The following CCDC171 variants were observed in gnomAD, a reference collection of about 807,000 sequenced individuals.
CCDC171 encodes coiled-coil domain-containing protein 171.
Under a neutral mutation model 168.2 loss-of-function variants are expected in CCDC171, and 177 were observed. That is an observed-to-expected ratio of 1.05 (90% CI 0.93 to 1.19). The LOEUF (loss-of-function observed/expected upper bound fraction) is 1.19, where lower values mean the gene tolerates loss of function less well. CCDC171 is among the 50% of genes most tolerant of loss of function. The probability of loss-of-function intolerance (pLI) is 0.00; values close to 1 mark genes in which losing one functional copy is unlikely to be tolerated. For synonymous variants in CCDC171, 687 were observed against 540.8 expected, an observed-to-expected ratio of 1.27 and a Z score of -3.75; for missense variants, 1,991 against 1,539.0, an observed-to-expected ratio of 1.29 and a Z score of -4.91.
Position 15,591,318 on chromosome 9 carries a change from T to C in CCDC171, c.353-48T>C, listed in dbSNP as rs371408076. On this transcript the variant is annotated intron_variant, in intron 4 of 25. Transcript: ENST00000380701. ...AATGCCTAGGTTTTGGGGCTCCTTG[T>C]TATTTAATTCATGGTTGTAAATGTA... The C allele has an allele frequency of 4.1e-5, 50 of 1,222,066 alleles. No homozygotes were observed. The African/African-American group carries it at 5.1e-4, about 12-fold the overall frequency. 75.7% of individuals were successfully genotyped at this position (1,222,066 alleles called of 1,614,324 possible). A position where few individuals can be genotyped will look rare whatever the true frequency, so the allele number is the denominator to read the frequency against.
At chr9:16,080,572 G>A in the CCDC171 span, among the ~76,000 whole-genome samples, 7 of 152,096 alleles carry the variant, frequency 4.6e-5, no homozygotes, top group Non-Finnish European at 8.8e-5. Flanking sequence ...GACCTTCCCC[G>A]GGTGATGCAG....
rs1207619542 is a variant in CCDC171, at chr9:15,972,696, T to G, written c.*860T>G. On this transcript the variant is annotated 3_prime_UTR_variant, in exon 26 of 26. Coordinates refer to ENST00000380701, the MANE Select transcript of CCDC171 (RefSeq NM_173550.4). ...TTCAAAATAGACTCCTTTTTTGTTT[T>G]TGTTGTTGGTAGGACCCAAGAGTGA... is the stretch of plus-strand genomic sequence containing the variant. 6.6e-6 allele frequency: 1 copy of G among 152,146 alleles called. No individual in the cohort carries two copies. Among genetic ancestry groups the G allele is most frequent in the Non-Finnish European group, 1.5e-5 (1 of 68,030 alleles). 9.4% of individuals were successfully genotyped at this position (152,146 alleles called of 1,614,324 possible).
intron 24 of CCDC171, among the ~76,000 whole-genome samples, chr9:15,902,197 C>A: frequency 6.7e-6 from 1 of 150,220 alleles, no homozygotes; most frequent in South Asian, 2.1e-4. Flanking sequence ...GGAAATATTT[C>A]CAGAATTATG....
At chr9:15,992,277 A>G (rs1832226650) in intron 3 of CCDC171, among the ~76,000 whole-genome samples, 1 of 152,218 alleles carries the variant, frequency 6.6e-6, no homozygotes, top group Non-Finnish European at 1.5e-5. Flanking sequence ...TTGTAAACAT[A>G]CACAAATCAA....
chr9:15,645,763 A>T (rs1042002573), intron 7 of CCDC171, among the ~76,000 whole-genome samples: 1 of 152,220 alleles, frequency 6.6e-6, no homozygotes, highest in Admixed American at 6.5e-5. Flanking sequence ...GACCACATCT[A>T]CGTCTGATTG....
intron 25 of CCDC171, among the ~76,000 whole-genome samples, chr9:15,942,373 A>G (rs1030031487): frequency 2.0e-5 from 3 of 151,940 alleles, no homozygotes; most frequent in Non-Finnish European, 4.4e-5. Context: ...GAATTTCTTT[A>G]TTAATAAGGT....
the CCDC171 span, among the ~76,000 whole-genome samples, chr9:16,104,662 A>T: frequency 4.0e-5 from 6 of 151,670 alleles, 1 homozygote; most frequent in African/African-American, 1.5e-4. Flanking sequence ...ATCATCATCC[A>T]TCCATCCATT....
intron 11 of CCDC171, among the ~76,000 whole-genome samples, chr9:15,705,767 G>C (rs147395357): frequency 6.6e-6 from 1 of 152,296 alleles, no homozygotes; most frequent in Non-Finnish European, 1.5e-5. Flanking sequence ...ATGAGGATGA[G>C]AATCTTTGTC....
intron 3 of CCDC171, among the ~76,000 whole-genome samples, chr9:16,007,019 A>C (rs1054358169): frequency 6.6e-5 from 10 of 152,314 alleles, no homozygotes; most frequent in Middle Eastern, 3.4e-3. Flanking sequence ...TGACTTCCAC[A>C]ATGGTTGAAC....
At chr9:15,599,160 C>T (rs2457265) in intron 6 of CCDC171, among the ~76,000 whole-genome samples, 81,980 of 151,874 alleles carry the variant, frequency 0.54, 22,402 homozygotes, top group East Asian at 0.75. Context: ...TTAAGATTAA[C>T]GTTGTTATGT....
In CCDC171 at chr9:15,818,029, G is replaced by A. The variant is rs560612721; in HGVS notation, c.3268-28673G>A. Among the ~76,000 whole-genome samples the A allele has an allele frequency of 3.4e-5, 4 of 117,032 alleles. 1 individual carries two copies. The highest frequency in any genetic ancestry group is 2.2e-4 in the East Asian group (1 of 4,638). The allele number at this position is 117,032 out of a possible 152,430, so 76.8% of individuals were successfully genotyped here. ...GGAACGATCAGGCAGCAGCATTTGC[G>A]GTTCACTAACATCTGCTGTTCTGCA... On this transcript the variant is annotated intron_variant, in intron 21 of 25. Transcript: ENST00000380701.
chr9:15,590,800 TC>T (rs2041941255), intron 4 of CCDC171, among the ~76,000 whole-genome samples: 1 of 149,274 alleles, frequency 6.7e-6, no homozygotes, highest in African/African-American at 2.5e-5. Context: ...TTTCTTTCTT[TC>T]TTTCTTTCTT....
chr9:15,784,653 G>A lies in CCDC171; in HGVS notation c.3226G>A (p.Glu1076Lys), dbSNP rs1322072305. 1.9e-6 allele frequency: 3 copies of A among 1,613,188 alleles called. No individual in the cohort carries two copies. Among genetic ancestry groups the A allele is most frequent in the African/African-American group, 1.3e-5 (1 of 74,888 alleles). Residue 1076 changes from glutamate (E) to lysine (K), a missense_variant, in exon 21 of 26, where the codon GAG becomes AAG. Coordinates refer to ENST00000380701, the MANE Select transcript of CCDC171 (RefSeq NM_173550.4). The stretch of plus-strand genomic sequence containing the variant: ...TTATAAACTTGAATTGCACTCCAGT[G>A]AGGAAGCTGACAAAAACCAAACTCT... ...LNYKLELHSSEEADKNQTLGE... is the reference protein window; with the variant it reads ...LNYKLELHSSKEADKNQTLGE...
intron 25 of CCDC171, among the ~76,000 whole-genome samples, chr9:15,958,656 C>G (rs1424127408): frequency 6.6e-6 from 1 of 151,688 alleles, no homozygotes; most frequent in African/African-American, 2.4e-5. Context: ...GAAGAAGCCT[C>G]CTTCTAAATA....
intron 7 of CCDC171, among the ~76,000 whole-genome samples, chr9:15,646,783 C>A (rs1042374362): frequency 2.8e-4 from 42 of 152,172 alleles, no homozygotes; most frequent in Non-Finnish European, 1.2e-4. Flanking sequence ...AAGACTTAGA[C>A]TCCCACACAA....
At chr9:16,083,968 G>T in the CCDC171 span, among the ~76,000 whole-genome samples, 2 of 152,120 alleles carry the variant, frequency 1.3e-5, no homozygotes, top group African/African-American at 2.4e-5. Context: ...GCAAACAGTC[G>T]ATTTTGCTAA....
chr9:15,617,491 C>G (rs532171156), intron 6 of CCDC171, among the ~76,000 whole-genome samples: 14 of 151,918 alleles, frequency 9.2e-5, no homozygotes, highest in Non-Finnish European at 5.9e-5. Context: ...ATTCTCCTGC[C>G]TCAGCCTCCC....
At position 15,971,959 on chromosome 9, in the gene CCDC171, C is replaced by T. The variant is rs190654592; in HGVS notation, c.*123C>T. On this transcript the variant is annotated 3_prime_UTR_variant, in exon 26 of 26. Transcript: ENST00000380701. ...TGGCAGTGGATTTAAAAAATTTGTG[C>T]GCTATCTTGATGTATTCTGGTAGCT... 3.0e-5 allele frequency: 24 copies of T among 803,038 alleles called. No individual in the cohort carries two copies. The highest frequency in any genetic ancestry group is 1.6e-4 in the Admixed American group (7 of 43,580). 49.7% of individuals were successfully genotyped at this position (803,038 alleles called of 1,614,324 possible).
intron 1 of CCDC171, among the ~76,000 whole-genome samples, chr9:15,560,720 CCTT>C (rs1212740088): frequency 1.3e-5 from 2 of 152,128 alleles, no homozygotes; most frequent in Non-Finnish European, 2.9e-5. Context: ...TCGTCTGAAG[CCTT>C]CTTCTCTTAA....
Sources: gnomAD v4.1 joint callset for allele counts (sites outside exome capture counted in the v4.1 genomes callset) on GRCh38, gnomAD v4.1.1 for gene constraint, MANE v1.5 for transcripts, NCBI Gene and HGNC (gene_info 2026-07-23, HGNC 2026-07-21) for gene names.